Variants in NEBL observed in about 807,000 individuals in gnomAD.
The protein encoded by NEBL is nebulette, also known as LIM and SH3 protein 2.
A neutral mutation model predicts 140.2 loss-of-function variants in NEBL; 122 were observed. That is an observed-to-expected ratio of 0.87 (90% CI 0.75 to 1.01). The LOEUF is 1.01. Ranked by LOEUF, NEBL falls within the 50% of genes least tolerant of loss-of-function variation. NEBL has a pLI of 0.00. For synonymous variants in NEBL, 436 were observed against 398.9 expected (o/e 1.09, Z -1.11); for missense variants, 1,365 against 1,231.3 (o/e 1.11, Z -1.62).
chr10:21,160,628 C>T (rs139491846), intron 2 of NEBL, among the ~76,000 whole-genome samples: 51 of 108,918 alleles, frequency 4.7e-4, no homozygotes, highest in African/African-American at 7.8e-4. Flanking sequence ...GAAAGAGAAA[C>T]GGAGAGATAG....
chr10:21,092,586 T>TTAATAA lies in NEBL; in HGVS notation c.165-72391_165-72386dup, dbSNP rs4025883. ...ATGGACTTCTTTTTACCTCTATAAT[T>TTAATAA]TAATAATAATAATAATAATAATAAT... On this transcript the variant is annotated intron_variant, in intron 2 of 6. Coordinates refer to the NEBL transcript ENST00000417816. 4.5e-3 allele frequency among the ~76,000 whole-genome samples: 633 copies of TTAATAA among 142,098 alleles called. 1 individual carries two copies. The highest frequency in any genetic ancestry group is 7.3e-3 in the East Asian group (36 of 4,900). The allele number at this position is 142,098 out of a possible 152,430, so 93.2% of individuals were successfully genotyped here.
At chr10:21,110,290 G>A (rs1403440116) in intron 2 of NEBL, among the ~76,000 whole-genome samples, 1 of 152,096 alleles carries the variant, frequency 6.6e-6, no homozygotes, top group Admixed American at 6.5e-5. Context: ...TGAGTCTGGA[G>A]GTGTTTGTTT....
In NEBL at chr10:21,082,535, T is replaced by TAAAAAAAAAAA. The variant is rs61234594; in HGVS notation, c.165-62345_165-62335dup. 2.4e-3 allele frequency among the ~76,000 whole-genome samples: 279 copies of TAAAAAAAAAAA among 117,250 alleles called. 5 individuals carry two copies. The highest frequency in any genetic ancestry group is 4.0e-3 in the Middle Eastern group (1 of 252). 76.9% of individuals were successfully genotyped at this position (117,250 alleles called of 152,430 possible). ...AGTTTGAAGTGTTCCCCACCACCAC[T>TAAAAAAAAAAA]AAAAAAAAAAAAAAAAAAAAAAAAA... is the stretch of plus-strand genomic sequence containing the variant. On this transcript the variant is annotated intron_variant, in intron 2 of 6. Transcript: ENST00000417816.
intron 2 of NEBL, among the ~76,000 whole-genome samples, chr10:21,040,804 T>C (rs1322378309): frequency 6.6e-6 from 1 of 152,188 alleles, no homozygotes; most frequent in Non-Finnish European, 1.5e-5. Flanking sequence ...TTGCTTTTCT[T>C]GTGAGAGTGA....
At chr10:21,199,370 T>C (rs1262714981) in intron 3 of NEBL, among the ~76,000 whole-genome samples, 1 of 152,154 alleles carries the variant, frequency 6.6e-6, no homozygotes, top group Non-Finnish European at 1.5e-5. Context: ...TTATGTTTCT[T>C]TGGACTCTTG....
At chr10:21,230,656 G>C (rs1424249193) in intron 3 of NEBL, among the ~76,000 whole-genome samples, 1 of 150,114 alleles carries the variant, frequency 6.7e-6, no homozygotes, top group Non-Finnish European at 1.5e-5. Flanking sequence ...CCAGGCTGGA[G>C]TGCAGCGGCG....
intron 3 of NEBL, among the ~76,000 whole-genome samples, chr10:21,234,910 G>A (rs1022656555): frequency 6.6e-6 from 1 of 152,168 alleles, no homozygotes; most frequent in Admixed American, 6.6e-5. Context: ...AAGGCTCAAC[G>A]GTGAGATATA....
intron 2 of NEBL, among the ~76,000 whole-genome samples, chr10:21,153,895 G>A (rs538327778): frequency 3.9e-5 from 6 of 152,128 alleles, no homozygotes; most frequent in East Asian, 1.9e-4. Flanking sequence ...GTAGGACCTC[G>A]TTATATTTGT....
chr10:21,091,575 T>A (rs987985426), intron 2 of NEBL, among the ~76,000 whole-genome samples: 1 of 152,214 alleles, frequency 6.6e-6, no homozygotes, highest in Non-Finnish European at 1.5e-5. Flanking sequence ...TTGTTCTTCA[T>A]CTCTCCACTT....
chr10:21,169,305 C>G (rs1335680867), intron 2 of NEBL, among the ~76,000 whole-genome samples: 2 of 151,162 alleles, frequency 1.3e-5, no homozygotes, highest in Non-Finnish European at 2.9e-5. Flanking sequence ...TACATTGACT[C>G]CTGAACCAAA....
chr10:21,163,193 G>A (rs1424298974), intron 2 of NEBL, among the ~76,000 whole-genome samples: 3 of 152,208 alleles, frequency 2.0e-5, no homozygotes, highest in African/African-American at 7.2e-5. Context: ...CTGAAAGTCT[G>A]CTAGAAACCC....
At chr10:20,864,418 G>T (rs777562592) in intron 7 of NEBL, among the ~76,000 whole-genome samples, 3 of 152,172 alleles carry the variant, frequency 2.0e-5, no homozygotes, top group Admixed American at 6.5e-5. Flanking sequence ...AGCTATTGTA[G>T]AAGTTAATAT....
intron 2 of NEBL, among the ~76,000 whole-genome samples, chr10:21,150,578 G>A (rs1038628971): frequency 2.0e-5 from 3 of 152,098 alleles, no homozygotes; most frequent in Non-Finnish European, 4.4e-5. Flanking sequence ...GGGGTTGTTT[G>A]GCAAATATAA....
chr10:21,026,081 T>C (rs965885102), intron 2 of NEBL, among the ~76,000 whole-genome samples: 2 of 152,164 alleles, frequency 1.3e-5, no homozygotes, highest in Non-Finnish European at 2.9e-5. Flanking sequence ...CATGAAAAAG[T>C]TTTATAAATG....
chr10:21,029,848 C>G (rs966095369), intron 2 of NEBL: 2 of 685,808 alleles, frequency 2.9e-6, no homozygotes. Flanking sequence ...GGGCATTTGG[C>G]AGTGGGTACC....
intron 2 of NEBL, among the ~76,000 whole-genome samples, chr10:21,062,813 G>T (rs570739584): frequency 6.6e-6 from 1 of 152,282 alleles, no homozygotes; most frequent in African/African-American, 2.4e-5. Context: ...CAGCACTGGG[G>T]CTTGAAATGT....
intron 1 of NEBL, among the ~76,000 whole-genome samples, chr10:21,269,750 T>C (rs1842839368): frequency 6.6e-6 from 1 of 152,220 alleles, no homozygotes; most frequent in South Asian, 2.1e-4. Context: ...TATATTTGCA[T>C]ATATAGTGAG....
chr10:21,184,226 T>C (rs1841429579), intron 3 of NEBL, among the ~76,000 whole-genome samples: 1 of 152,220 alleles, frequency 6.6e-6, no homozygotes, highest in Non-Finnish European at 1.5e-5. Context: ...CAGTGAAATA[T>C]GGGTGCAAGC....
chr10:20,798,283 T>C (rs2131678891), intron 26 of NEBL, among the ~76,000 whole-genome samples: 1 of 152,266 alleles, frequency 6.6e-6, no homozygotes, highest in African/African-American at 2.4e-5. Flanking sequence ...CCCACTGTAT[T>C]ATTTCCAGCA....
Sources: allele counts gnomAD v4.1 joint callset (sites outside exome capture counted in the v4.1 genomes callset), GRCh38; gene constraint gnomAD v4.1.1; transcripts MANE v1.5; gene names NCBI Gene and HGNC (gene_info 2026-07-23, HGNC 2026-07-21).